The following MYO19 variants were observed in gnomAD, a reference collection of about 807,000 sequenced individuals.
The protein encoded by MYO19 is myosin XIX.
A neutral mutation model predicts 129.2 loss-of-function variants in MYO19; 132 were observed. The ratio of observed to expected loss-of-function variants is 1.02; its 90% CI spans 0.89 to 1.18. MYO19 has a LOEUF of 1.18. Among genes scored for constraint, MYO19 ranks in the 50% most tolerant of loss-of-function variants. MYO19 has a pLI of 0.00. For missense variants in MYO19, 1,210 were observed against 1,216.7 expected, an observed-to-expected ratio of 0.99 and a Z score of 0.08; for synonymous variants, 531 against 477.2, an observed-to-expected ratio of 1.11 and a Z score of -1.47.
chr17:36,506,718 T>C (rs2141965721), intron 17 of MYO19, 110 bp from the exon 18 acceptor site: 1 of 1,330,810 alleles, frequency 7.5e-7, no homozygotes, highest in Non-Finnish European at 1.0e-6. Flanking sequence ...GGACAGGGCC[T>C]GAGTCCAAGA....
In MYO19 at chr17:36,495,980, G is replaced by C; in HGVS notation, c.*271C>G. ...GACAGTCATGACTGCTGCTGAGTTTGATCTGTGAAGGTAGTGAAATGTGGC... is the reference window on the plus strand; with the variant it reads ...GACAGTCATGACTGCTGCTGAGTTTCATCTGTGAAGGTAGTGAAATGTGGC... On this transcript the variant is annotated 3_prime_UTR_variant, in exon 26 of 26. Coordinates refer to ENST00000614623, the MANE Select transcript of MYO19 (RefSeq NM_001163735.2). 1 of 836,032 alleles carries C rather than the reference G, an allele frequency of 1.2e-6. No individual in the cohort carries two copies. Among genetic ancestry groups the C allele is most frequent in the Non-Finnish European group, 1.7e-6 (1 of 603,472 alleles). 51.8% of individuals were successfully genotyped at this position (836,032 alleles called of 1,614,324 possible).
At chr17:36,526,441 A>G (rs1018787323) in intron 5 of MYO19, among the ~76,000 whole-genome samples, 2 of 152,028 alleles carry the variant, frequency 1.3e-5, no homozygotes, top group African/African-American at 2.4e-5. Flanking sequence ...TTTTACACCA[A>G]CAAGCTCATT....
intron 2 of MYO19, chr17:36,533,138 A>C (rs1191370441): frequency 6.5e-6 from 1 of 152,910 alleles, no homozygotes; most frequent in Non-Finnish European, 1.5e-5. Flanking sequence ...GGTCAGGCAC[A>C]TCACCTACCT....
intron 24 of MYO19, 45 bp from the exon 25 acceptor site, chr17:36,498,604 C>A: frequency 6.5e-7 from 1 of 1,530,516 alleles, no homozygotes; most frequent in South Asian, 1.2e-5. Flanking sequence ...TTATCTAGCC[C>A]TCTTAGCAGA....
rs1567719845 is a variant in MYO19, at chr17:36,495,744, T to C, written c.*507A>G. 1 of 1,246,068 alleles carries C rather than the reference T, an allele frequency of 8.0e-7. No individual in the cohort carries two copies. Among genetic ancestry groups the C allele is most frequent in the Non-Finnish European group, 1.0e-6 (1 of 996,392 alleles). 77.2% of individuals were successfully genotyped at this position (1,246,068 alleles called of 1,614,324 possible). A position where few individuals can be genotyped will look rare whatever the true frequency, so the allele number is the denominator to read the frequency against. ...GGTCAGTGTTAATAAAATCAAAACG[T>C]GATTCTACTGTACATTGCATTATTC... On this transcript the variant is annotated 3_prime_UTR_variant, in exon 26 of 26. Coordinates refer to ENST00000614623, the MANE Select transcript of MYO19 (RefSeq NM_001163735.2).
Position 36,527,581 on chromosome 17 carries a change from C to T in MYO19, c.270G>A (p.Met90Ile). 1.2e-6 allele frequency: 2 copies of T among 1,613,926 alleles called. No homozygotes were observed. The highest frequency in any genetic ancestry group is 1.7e-6 in the Non-Finnish European group (2 of 1,179,868). The part of the protein sequence containing the change: ...PVPQLYSPEL[M>I]REYHAAPQPQ... ...GCTGAGGCGCAGCATGGTACTCTCT[C>T]ATTAGCTCGGGCGAGTAGAGCTGAG... The change falls in exon 5 of 26, where the codon ATG (methionine) becomes ATA (isoleucine). Residue 90 changes from methionine to isoleucine, a missense_variant. Coordinates refer to ENST00000614623, the MANE Select transcript of MYO19 (RefSeq NM_001163735.2).
intron 25 of MYO19, 60 bp downstream of exon 25, chr17:36,498,206 T>G: frequency 6.4e-7 from 1 of 1,550,798 alleles, no homozygotes; most frequent in Non-Finnish European, 8.7e-7. Flanking sequence ...TGTGAACTTG[T>G]AGGCTTTGCT....
chr17:36,495,755 T>A lies in MYO19; in HGVS notation c.*496A>T. The A allele has an allele frequency of 8.8e-6, 11 of 1,246,126 alleles. No homozygotes were observed. Among genetic ancestry groups the A allele is most frequent in the Non-Finnish European group, 1.1e-5 (11 of 996,240 alleles). The allele number at this position is 1,246,126 out of a possible 1,614,324, so 77.2% of individuals were successfully genotyped here. On this transcript the variant is annotated 3_prime_UTR_variant, in exon 26 of 26. Transcript: ENST00000614623. The stretch of plus-strand genomic sequence containing the variant: ...ATAAAATCAAAACGTGATTCTACTG[T>A]ACATTGCATTATTCATAATTTAATT...
At chr17:36,530,955 C>T (rs1014495956) in intron 3 of MYO19, among the ~76,000 whole-genome samples, 2 of 152,050 alleles carry the variant, frequency 1.3e-5, no homozygotes, top group African/African-American at 2.4e-5. Context: ...CAGGGTCTCA[C>T]GGCTGGGTGC....
At chr17:36,518,872 A>G (rs1443993635) in intron 6 of MYO19, among the ~76,000 whole-genome samples, 1 of 152,048 alleles carries the variant, frequency 6.6e-6, no homozygotes, top group African/African-American at 2.4e-5. Context: ...TTAGAAGTGC[A>G]TTGTTTAATT....
intron 6 of MYO19, among the ~76,000 whole-genome samples, chr17:36,517,682 C>T (rs566001406): frequency 1.6e-4 from 24 of 152,296 alleles, no homozygotes; most frequent in Middle Eastern, 3.4e-3. Context: ...CCTCTAGCTT[C>T]TTAAGGTATG....
chr17:36,505,781 T>A (rs1426978190), intron 18 of MYO19, among the ~76,000 whole-genome samples: 2 of 152,214 alleles, frequency 1.3e-5, no homozygotes, highest in African/African-American at 4.8e-5. Flanking sequence ...ACTCAGCTCA[T>A]CCTGTGTGTT....
Position 36,499,306 on chromosome 17 carries a change from A to T in MYO19, c.2378-146T>A. On this transcript the variant is annotated intron_variant, in intron 23 of 25. Transcript: ENST00000614623. Reference sequence around the variant, plus strand: ...ATAAATTGCTACAAATAAGGTTCTAAAATCAATACATAAGGCAAAATTGGC... The same window carrying T: ...ATAAATTGCTACAAATAAGGTTCTATAATCAATACATAAGGCAAAATTGGC... 3 of 537,664 alleles carry T rather than the reference A, an allele frequency of 5.6e-6. No individual in the cohort carries two copies. In the South Asian group the frequency reaches 5.9e-5, roughly 11 times the overall value. 33.3% of individuals were successfully genotyped at this position (537,664 alleles called of 1,614,324 possible). A position where few individuals can be genotyped will look rare whatever the true frequency, so the allele number is the denominator to read the frequency against.
At chr17:36,505,438 G>C in intron 18 of MYO19, 34 bp from the exon 19 acceptor site, 1 of 1,560,140 alleles carries the variant, frequency 6.4e-7, no homozygotes, top group Non-Finnish European at 8.8e-7. Flanking sequence ...TAGGCAGGGA[G>C]AGGGGCTGCC....
chr17:36,523,613 T>C (rs1213214968), intron 6 of MYO19, among the ~76,000 whole-genome samples: 1 of 152,202 alleles, frequency 6.6e-6, no homozygotes, highest in African/African-American at 2.4e-5. Flanking sequence ...TATGCAAGAA[T>C]ATATAGTATA....
At chr17:36,536,991 TCTG>T, upstream of MYO19, 2 of 1,007,596 alleles carry the variant, frequency 2.0e-6, no homozygotes, top group Non-Finnish European at 2.9e-6. Context: ...GGCCCAAAGT[TCTG>T]CTCTGAAATC....
chr17:36,530,769 C>T (rs2073788008), intron 3 of MYO19, among the ~76,000 whole-genome samples: 1 of 152,128 alleles, frequency 6.6e-6, no homozygotes, highest in African/African-American at 2.4e-5. Flanking sequence ...CACAGGCATG[C>T]ACCACCATAC....
At chr17:36,504,214 G>A in intron 19 of MYO19, 194 bp from the exon 20 acceptor site, 1 of 514,726 alleles carries the variant, frequency 1.9e-6, no homozygotes, top group East Asian at 3.2e-5. Context: ...CCACTAGAAA[G>A]GGTCCTGGTG....
chr17:36,514,985 G>T (rs1764236688), intron 8 of MYO19, 128 bp downstream of exon 8: 1 of 748,600 alleles, frequency 1.3e-6, no homozygotes, highest in Non-Finnish European at 2.2e-6. Flanking sequence ...CACACCTGAG[G>T]TAAAGGGCAT....
Sources: gnomAD v4.1 joint callset for allele counts (sites outside exome capture counted in the v4.1 genomes callset) on GRCh38, gnomAD v4.1.1 for gene constraint, MANE v1.5 for transcripts, NCBI Gene and HGNC (gene_info 2026-07-23, HGNC 2026-07-21) for gene names.